The following GCNT2 variants were observed in gnomAD, a reference collection of about 807,000 sequenced individuals.
GCNT2 encodes the protein glucosaminyl (N-acetyl) transferase 2 (I blood group).
GCNT2 carries 34 observed loss-of-function variants against 34.2 expected under a neutral mutation model. That is an observed-to-expected ratio of 1.00 (90% CI 0.76 to 1.32). The LOEUF is 1.32. Ranked by LOEUF, GCNT2 falls within the 40% of genes most tolerant of loss-of-function variation. GCNT2 has a pLI of 0.00. For missense variants in GCNT2, 584 were observed against 489.4 expected, an observed-to-expected ratio of 1.19 and a Z score of -1.82; for synonymous variants, 212 against 188.0, an observed-to-expected ratio of 1.13 and a Z score of -1.04.
At chr6:10,606,380 A>G (rs1409836432) in intron 3 of GCNT2, among the ~76,000 whole-genome samples, 1 of 152,196 alleles carries the variant, frequency 6.6e-6, no homozygotes, top group African/African-American at 2.4e-5. Context: ...TCCAAGAGGT[A>G]GAGAAACATT....
chr6:10,603,691 T>TC (rs1765178896), intron 3 of GCNT2, among the ~76,000 whole-genome samples: 1 of 50,206 alleles, frequency 2.0e-5, no homozygotes, highest in Non-Finnish European at 7.4e-5. Flanking sequence ...AATTTTTGTA[T>TC]TTTAGTAGAG....
chr6:10,560,880 C>T (rs1214804106), intron 3 of GCNT2, among the ~76,000 whole-genome samples: 2 of 152,154 alleles, frequency 1.3e-5, no homozygotes, highest in African/African-American at 4.8e-5. Context: ...CACTCCTTTT[C>T]AGGGGAACCA....
At position 10,530,069 on chromosome 6, in the gene GCNT2, A is replaced by C. The variant is rs1194883469; in HGVS notation, c.925+233A>C. On this transcript the variant is annotated intron_variant, in intron 3 of 4. Transcript: ENST00000495262. ...AGACCGAAGGAACACTGGCCATATA[A>C]ATAAAAACGTGACCGAGCACAGTGG... 3 of 494,894 alleles carry C rather than the reference A, an allele frequency of 6.1e-6. No homozygotes were observed. In the Admixed American group the frequency reaches 1.0e-4, roughly 17 times the overall value. The allele number at this position is 494,894 out of a possible 1,614,324, so 30.7% of individuals were successfully genotyped here.
intron 3 of GCNT2, among the ~76,000 whole-genome samples, chr6:10,598,109 C>G (rs537953211): frequency 3.9e-5 from 6 of 152,094 alleles, no homozygotes; most frequent in Admixed American, 2.6e-4. Context: ...TAGGTCATCT[C>G]CGAAGAGATT....
At chr6:10,615,245 A>C (rs1581485987) in intron 3 of GCNT2, among the ~76,000 whole-genome samples, 2 of 152,282 alleles carry the variant, frequency 1.3e-5, no homozygotes, top group African/African-American at 4.8e-5. Flanking sequence ...ACACTTGATC[A>C]CACACAAGAA....
intron 4 of GCNT2, among the ~76,000 whole-genome samples, chr6:10,624,445 C>G (rs140508007): frequency 6.6e-6 from 1 of 152,126 alleles, no homozygotes; most frequent in African/African-American, 2.4e-5. Context: ...GAGACTTACT[C>G]ACTACCACAA....
In GCNT2 at chr6:10,553,754, C is replaced by T. The variant is rs186434071; in HGVS notation, c.925+23918C>T. Among the ~76,000 whole-genome samples, 50 of 152,224 alleles carry T rather than the reference C, an allele frequency of 3.3e-4. No homozygotes were observed. In the South Asian group the frequency reaches 6.8e-3, roughly 21 times the overall value. On this transcript the variant is annotated intron_variant, in intron 3 of 4. Coordinates refer to ENST00000495262, the MANE Select transcript of GCNT2 (RefSeq NM_145649.5). Reference sequence around the variant, plus strand: ...TCTACAAATACAAAAATTAGCTGGGCGTGGTGGCACATGCCTGTAATCCCA... The same window carrying T: ...TCTACAAATACAAAAATTAGCTGGGTGTGGTGGCACATGCCTGTAATCCCA...
chr6:10,545,607 A>G (rs890265945), intron 3 of GCNT2, among the ~76,000 whole-genome samples: 9 of 152,218 alleles, frequency 5.9e-5, no homozygotes, highest in African/African-American at 1.4e-4. Flanking sequence ...GTGAAAAATC[A>G]TAACAGTTTT....
chr6:10,525,078 G>T (rs1212481529), intron 1 of GCNT2, among the ~76,000 whole-genome samples: 1 of 152,124 alleles, frequency 6.6e-6, no homozygotes, highest in Non-Finnish European at 1.5e-5. Flanking sequence ...TAATTAAGGT[G>T]AGGATGATGG....
chr6:10,605,536 A>G (rs2127431299), intron 3 of GCNT2, among the ~76,000 whole-genome samples: 1 of 152,080 alleles, frequency 6.6e-6, no homozygotes, highest in East Asian at 1.9e-4. Context: ...AAAAATACCA[A>G]TGTCTGGGCC....
In GCNT2 at chr6:10,556,899, A is replaced by G. The variant is rs147047890; in HGVS notation, c.925+27063A>G. The G allele has an allele frequency of 4.5e-5, 72 of 1,614,040 alleles. 1 individual carries two copies. Among genetic ancestry groups the G allele is most frequent in the South Asian group, 2.7e-4 (25 of 91,086 alleles). On this transcript the variant is annotated intron_variant, in intron 3 of 4. Transcript: ENST00000495262. ...GCTTCCAAGATGGAACCCGTTGTCT[A>G]TGGAGGGATCTCCAGGCTCCAGGCT...
rs769538957 is a variant in GCNT2, at chr6:10,586,595, G to A, written c.926-34756G>A. Reference sequence around the variant, plus strand: ...ACTTCCCCCTGAAAACCAACCGGGAGATAGTTCAGCATCTGAAAGGATTTA... The same window carrying A: ...ACTTCCCCCTGAAAACCAACCGGGAAATAGTTCAGCATCTGAAAGGATTTA... On this transcript the variant is annotated intron_variant, in intron 3 of 4. Coordinates refer to ENST00000495262, the MANE Select transcript of GCNT2 (RefSeq NM_145649.5). 5.6e-6 allele frequency: 9 copies of A among 1,614,158 alleles called. No individual in the cohort carries two copies. In the South Asian group the frequency reaches 9.9e-5, roughly 18 times the overall value.
chr6:10,606,200 G>A (rs886314714), intron 3 of GCNT2, among the ~76,000 whole-genome samples: 5 of 152,120 alleles, frequency 3.3e-5, no homozygotes, highest in Admixed American at 2.6e-4. Context: ...CTGTAATCCC[G>A]ACTACTCGGG....
intron 3 of GCNT2, chr6:10,556,584 G>GA: frequency 6.2e-7 from 1 of 1,614,096 alleles, no homozygotes; most frequent in East Asian, 2.2e-5. Context: ...TTTATCAATG[G>GA]AAAAACACGT....
chr6:10,597,281 G>A (rs186588724), intron 3 of GCNT2, among the ~76,000 whole-genome samples: 2 of 148,550 alleles, frequency 1.3e-5, no homozygotes, highest in East Asian at 4.1e-4. Flanking sequence ...TCAGCCTTCC[G>A]AGTAGCTGGG....
chr6:10,596,690 T>G (rs1333010599), intron 3 of GCNT2, among the ~76,000 whole-genome samples: 3 of 151,940 alleles, frequency 2.0e-5, no homozygotes, highest in Admixed American at 1.3e-4. Flanking sequence ...TAAAGTTCCC[T>G]TGTTTTCATC....
chr6:10,609,658 G>C (rs766042066), intron 3 of GCNT2, among the ~76,000 whole-genome samples: 1 of 152,214 alleles, frequency 6.6e-6, no homozygotes, highest in East Asian at 1.9e-4. Context: ...TCTGGCCAGG[G>C]TTATAATTCT....
intron 3 of GCNT2, among the ~76,000 whole-genome samples, chr6:10,568,120 T>G (rs78887232): frequency 0.018 from 2,733 of 152,314 alleles, 94 homozygotes; most frequent in African/African-American, 0.061. Context: ...TTTCCCCCTT[T>G]GTGATCTCAT....
chr6:10,554,047 G>C (rs1054631509), intron 3 of GCNT2, among the ~76,000 whole-genome samples: 8 of 152,236 alleles, frequency 5.3e-5, no homozygotes, highest in African/African-American at 1.9e-4. Flanking sequence ...TCCAAAGTGA[G>C]TGACAAGGCA....
Sources: gnomAD v4.1 joint callset for allele counts (sites outside exome capture counted in the v4.1 genomes callset) on GRCh38, gnomAD v4.1.1 for gene constraint, MANE v1.5 for transcripts, NCBI Gene and HGNC (gene_info 2026-07-23, HGNC 2026-07-21) for gene names.